The following CCSER1 variants were observed in gnomAD, a reference collection of about 807,000 sequenced individuals.
CCSER1 encodes the protein coiled-coil serine rich protein 1.
Under a neutral mutation model 82.0 loss-of-function variants are expected in CCSER1, and 41 were observed. That is an observed-to-expected ratio of 0.50 (90% CI 0.39 to 0.65). The LOEUF is 0.65. CCSER1 is among the 30% of genes least tolerant of loss of function. The probability of loss-of-function intolerance (pLI) is 0.00; values close to 1 mark genes in which losing one functional copy is unlikely to be tolerated. For missense variants in CCSER1, 1,119 were observed against 1,064.2 expected (o/e 1.05, Z -0.72); for synonymous variants, 414 against 383.9 (o/e 1.08, Z -0.92).
At chr4:91,531,938 C>G (rs1284744894) in intron 10 of CCSER1, among the ~76,000 whole-genome samples, 4 of 152,274 alleles carry the variant, frequency 2.6e-5, no homozygotes, top group Non-Finnish European at 5.9e-5. Context: ...ATCTCAAACT[C>G]TTGTGCTCAA....
chr4:91,441,073 C>T (rs1202025565), intron 10 of CCSER1, among the ~76,000 whole-genome samples: 3 of 152,022 alleles, frequency 2.0e-5, no homozygotes, highest in African/African-American at 7.3e-5. Flanking sequence ...CCTTCTGAAA[C>T]TATTCCAATC....
At chr4:91,351,737 T>G (rs1334604095) in intron 10 of CCSER1, among the ~76,000 whole-genome samples, 1 of 152,140 alleles carries the variant, frequency 6.6e-6, no homozygotes, top group African/African-American at 2.4e-5. Context: ...TATTTTAAAT[T>G]AATTTTTACA....
In CCSER1 at chr4:90,783,957, A is replaced by G. The variant is rs1253969127; in HGVS notation, c.2011-31805A>G. Among the ~76,000 whole-genome samples the G allele has an allele frequency of 8.5e-5, 13 of 152,298 alleles. 1 individual carries two copies. In the East Asian group the frequency reaches 2.5e-3, roughly 29 times the overall value. ...TATAGCTGAGAGAGCTGGAAAGCACATGCTGCAACTTACAAAAAAAAAGAA... is the reference window on the plus strand; with the variant it reads ...TATAGCTGAGAGAGCTGGAAAGCACGTGCTGCAACTTACAAAAAAAAAGAA... On this transcript the variant is annotated intron_variant, in intron 7 of 10. Coordinates refer to ENST00000509176, the MANE Select transcript of CCSER1 (RefSeq NM_001145065.2).
intron 7 of CCSER1, among the ~76,000 whole-genome samples, chr4:90,796,434 A>G (rs888709098): frequency 1.3e-5 from 2 of 150,800 alleles, no homozygotes; most frequent in East Asian, 1.9e-4. Context: ...AAAAAAAAAA[A>G]ACAGCTCTTG....
At chr4:91,572,150 A>G (rs1763217032) in intron 10 of CCSER1, among the ~76,000 whole-genome samples, 1 of 152,088 alleles carries the variant, frequency 6.6e-6, no homozygotes, top group African/African-American at 2.4e-5. Flanking sequence ...ATGGGTACCC[A>G]TTTAATAATC....
At chr4:90,792,388 G>A (rs570818737) in intron 7 of CCSER1, among the ~76,000 whole-genome samples, 188 of 152,054 alleles carry the variant, frequency 1.2e-3, no homozygotes, top group Admixed American at 2.0e-3. Flanking sequence ...AAAACCTGAA[G>A]GGCTTTACTT....
At position 90,414,687 on chromosome 4, in the gene CCSER1, A is replaced by G. The variant is rs1454847982; in HGVS notation, c.1603+14558A>G. On this transcript the variant is annotated intron_variant, in intron 4 of 10. Transcript: ENST00000509176. The stretch of plus-strand genomic sequence containing the variant: ...CAGCGAGGTTCGTTAGATAAACCTC[A>G]GCATATTTTTTTAAAAAGGGGTTTT... 5.9e-5 allele frequency among the ~76,000 whole-genome samples: 9 copies of G among 152,088 alleles called. No individual in the cohort carries two copies. The East Asian group carries it at 1.5e-3, about 26-fold the overall frequency.
chr4:91,485,428 G>C (rs541065440), intron 10 of CCSER1, among the ~76,000 whole-genome samples: 18 of 152,188 alleles, frequency 1.2e-4, no homozygotes, highest in Middle Eastern at 6.8e-3. Context: ...AATTATAAGA[G>C]AGAAACTTCA....
intron 10 of CCSER1, among the ~76,000 whole-genome samples, chr4:91,143,743 T>C (rs1363546213): frequency 6.6e-6 from 1 of 152,178 alleles, no homozygotes; most frequent in African/African-American, 2.4e-5. Flanking sequence ...CATATGGTTT[T>C]TGTTTTCAAT....
At chr4:90,788,733 G>A (rs551720985) in intron 7 of CCSER1, among the ~76,000 whole-genome samples, 16 of 152,258 alleles carry the variant, frequency 1.1e-4, no homozygotes, top group East Asian at 1.9e-4. Flanking sequence ...ACAGGGGGCC[G>A]GGGAGAAACA....
chr4:90,396,902 G>T (rs1340832117), intron 3 of CCSER1, among the ~76,000 whole-genome samples: 1 of 151,996 alleles, frequency 6.6e-6, no homozygotes, highest in Non-Finnish European at 1.5e-5. Flanking sequence ...CAAGTATCCA[G>T]CTGCTAGGAC....
At chr4:91,143,268 T>C (rs1178234811) in intron 10 of CCSER1, among the ~76,000 whole-genome samples, 3 of 150,922 alleles carry the variant, frequency 2.0e-5, no homozygotes, top group African/African-American at 7.3e-5. Context: ...TTTTTTTTTA[T>C]TTGGCTCTCA....
intron 9 of CCSER1, among the ~76,000 whole-genome samples, chr4:90,941,803 A>G (rs1238209614): frequency 6.6e-6 from 1 of 152,188 alleles, no homozygotes; most frequent in Non-Finnish European, 1.5e-5. Context: ...CATTTGCTAT[A>G]TTTACTTGAA....
intron 9 of CCSER1, among the ~76,000 whole-genome samples, chr4:91,023,348 A>C (rs922205052): frequency 2.6e-5 from 4 of 152,218 alleles, no homozygotes; most frequent in African/African-American, 9.6e-5. Context: ...CGCATTGCCA[A>C]GTCAATCCTA....
intron 6 of CCSER1, among the ~76,000 whole-genome samples, chr4:90,637,456 A>C (rs565217445): frequency 6.6e-6 from 1 of 152,302 alleles, no homozygotes; most frequent in Non-Finnish European, 1.5e-5. Context: ...TGGAAGAACA[A>C]TATGTAAAGT....
rs374912209 is a variant in CCSER1 at position 90,142,968 on chromosome 4, C to T, written c.-42+15137C>T. 1.9e-4 allele frequency among the ~76,000 whole-genome samples: 29 copies of T among 152,238 alleles called. No individual in the cohort carries two copies. In the South Asian group the frequency reaches 4.2e-3, roughly 22 times the overall value. On this transcript the variant is annotated intron_variant, in intron 1 of 10. Coordinates refer to ENST00000509176, the MANE Select transcript of CCSER1 (RefSeq NM_001145065.2). ...CACATATATTGCAATAGCAGGAGTT[C>T]GGCAAATTTACATGAAATCACTTAA...
intron 10 of CCSER1, among the ~76,000 whole-genome samples, chr4:91,231,783 G>T (rs565667954): frequency 1.3e-5 from 2 of 151,616 alleles, no homozygotes; most frequent in East Asian, 3.9e-4. Flanking sequence ...AGGTATCAAA[G>T]TCATACCAAG....
At chr4:90,534,230 C>T (rs1016365183) in intron 5 of CCSER1, among the ~76,000 whole-genome samples, 7 of 152,226 alleles carry the variant, frequency 4.6e-5, no homozygotes, top group South Asian at 2.1e-4. Context: ...CCAGGGTTCA[C>T]GCCATTCTCC....
At chr4:90,645,406 A>G (rs796325285) in intron 6 of CCSER1, among the ~76,000 whole-genome samples, 8 of 152,314 alleles carry the variant, frequency 5.3e-5, no homozygotes, top group African/African-American at 1.9e-4. Flanking sequence ...TTTGAAGCCA[A>G]ACAATTTTAA....
Sources: gnomAD v4.1 joint callset for allele counts (sites outside exome capture counted in the v4.1 genomes callset) on GRCh38, gnomAD v4.1.1 for gene constraint, MANE v1.5 for transcripts, NCBI Gene and HGNC (gene_info 2026-07-23, HGNC 2026-07-21) for gene names.